The following DNAJC13 variants were observed in gnomAD, a reference collection of about 807,000 sequenced individuals.
The protein encoded by DNAJC13 is DnaJ heat shock protein family (Hsp40) member C13.
Under a neutral mutation model 290.5 loss-of-function variants are expected in DNAJC13, and 75 were observed. That is an observed-to-expected ratio of 0.26 (90% CI 0.21 to 0.31). DNAJC13 has a LOEUF of 0.31. Among genes scored for constraint, DNAJC13 ranks in the 10% least tolerant of loss-of-function variants. DNAJC13 has a pLI of 1.00. For missense variants in DNAJC13, 2,260 were observed against 2,674.5 expected (o/e 0.85, Z 3.42); for synonymous variants, 862 against 892.0 (o/e 0.97, Z 0.60).
intron 53 of DNAJC13, among the ~76,000 whole-genome samples, chr3:132,527,531 T>C (rs1047331643): frequency 1.1e-4 from 17 of 152,220 alleles, no homozygotes; most frequent in Non-Finnish European, 2.2e-4. Context: ...CTACCACTTG[T>C]TGGCTCTCTG....
chr3:132,429,752 T>C (rs1682985701), intron 1 of DNAJC13, among the ~76,000 whole-genome samples: 1 of 152,144 alleles, frequency 6.6e-6, no homozygotes, highest in African/African-American at 2.4e-5. Flanking sequence ...ACTTGGCTAG[T>C]TAGTGGGGTG....
At chr3:132,518,031 A>G (rs1443165494) in intron 48 of DNAJC13, among the ~76,000 whole-genome samples, 1 of 152,136 alleles carries the variant, frequency 6.6e-6, no homozygotes, top group South Asian at 2.1e-4. Context: ...TGTAATATCT[A>G]ATATTAGTTA....
intron 55 of DNAJC13, chr3:132,537,185 G>A (rs1238857960): frequency 2.2e-6 from 1 of 456,228 alleles, no homozygotes; most frequent in East Asian, 6.9e-5. Flanking sequence ...CTAACTGGCA[G>A]CAGCCCCCTT....
At chr3:132,505,885 A>G (rs1935567174) in intron 42 of DNAJC13, among the ~76,000 whole-genome samples, 1 of 151,990 alleles carries the variant, frequency 6.6e-6, no homozygotes, top group African/African-American at 2.4e-5. Flanking sequence ...GAAGATAATT[A>G]TGTGTGTGGC....
intron 51 of DNAJC13, 96 bp from the exon 52 acceptor site, chr3:132,525,514 T>C: frequency 3.1e-6 from 4 of 1,295,876 alleles, no homozygotes; most frequent in Admixed American, 2.3e-5. Flanking sequence ...CTTAGAACTT[T>C]TGAATCCCTA....
intron 21 of DNAJC13, 118 bp from the exon 22 acceptor site, chr3:132,474,814 T>TC (rs35380727): frequency 3.0e-3 from 207 of 67,946 alleles, no homozygotes; most frequent in Non-Finnish European, 4.4e-3. Flanking sequence ...TAAAATCTAT[T>TC]CCCCCCCCCC....
chr3:132,485,659 TGGTG>T (rs2107701474), intron 29 of DNAJC13, among the ~76,000 whole-genome samples: 1 of 152,302 alleles, frequency 6.6e-6, no homozygotes, highest in South Asian at 2.1e-4. Context: ...GGGGTGGACT[TGGTG>T]GTTCATATCT....
At chr3:132,449,744 C>T (rs572561357) in intron 5 of DNAJC13, among the ~76,000 whole-genome samples, 3 of 152,196 alleles carry the variant, frequency 2.0e-5, no homozygotes, top group African/African-American at 7.2e-5. Flanking sequence ...TCCAGAGCAA[C>T]CAATTGATTT....
chr3:132,484,537 T>C (rs1934788163), intron 28 of DNAJC13, 51 bp from the exon 29 acceptor site: 1 of 1,557,418 alleles, frequency 6.4e-7, no homozygotes, highest in African/African-American at 1.4e-5. Flanking sequence ...GCTCTGAACA[T>C]ACAAATTTTA....
In DNAJC13 at chr3:132,538,376, C is replaced by A; in HGVS notation, c.*94C>A. On this transcript the variant is annotated 3_prime_UTR_variant, in exon 56 of 56. Coordinates refer to ENST00000260818, the MANE Select transcript of DNAJC13 (RefSeq NM_015268.4). ...GAAGCAAACTCTTACTGCCTTTCTC[C>A]TGGTTTCATGACAGTGTTATTCCTT... 1 of 908,698 alleles carries A rather than the reference C, an allele frequency of 1.1e-6. No homozygotes were observed. The allele number at this position is 908,698 out of a possible 1,614,324, so 56.3% of individuals were successfully genotyped here. A position where few individuals can be genotyped will look rare whatever the true frequency, so the allele number is the denominator to read the frequency against.
Position 132,453,481 on chromosome 3 carries a change from CA to C in DNAJC13, c.727del (p.Ile243TyrfsTer13). 6.2e-7 allele frequency: 1 copy of C among 1,613,682 alleles called. No individual in the cohort carries two copies. On this transcript the variant is annotated frameshift_variant, in exon 7 of 56. Transcript: ENST00000260818. LOFTEE classifies it high-confidence loss of function. ...SITSLAEFVV[Q>X]KISPRHSEPV... Reference sequence around the variant, plus strand: ...CACATCTTTAGCAGAGTTTGTAGTCCAAAAAATATCACCTAGACATTCGGTA... The same window carrying C: ...CACATCTTTAGCAGAGTTTGTAGTCCAAAAATATCACCTAGACATTCGGTA...
chr3:132,466,040 A>G lies in DNAJC13; in HGVS notation c.1938A>G (p.Ala646=), dbSNP rs919734505. Residue 646 remains alanine (A), a synonymous_variant, in exon 18 of 56, where the codon GCA becomes GCG. Coordinates refer to ENST00000260818, the MANE Select transcript of DNAJC13 (RefSeq NM_015268.4). ...TGGGACTCTGGACAGCTGATAATGC[A>G]ACTGCAACAAACTTGTTGAAACGCA... The part of the protein sequence containing the change: ...HLVGLWTADN[A]TATNLLKRIL... 1 of 1,614,070 alleles carries G rather than the reference A, an allele frequency of 6.2e-7. No homozygotes were observed. The highest frequency in any genetic ancestry group is 1.3e-5 in the African/African-American group (1 of 75,064).
chr3:132,453,225 C>T, intron 6 of DNAJC13, 73 bp from the exon 7 acceptor site: 1 of 1,391,374 alleles, frequency 7.2e-7, no homozygotes, highest in Non-Finnish European at 9.9e-7. Flanking sequence ...AATACCTTTC[C>T]TATGAGTTGA....
rs202077611 is a variant in DNAJC13, at chr3:132,539,008, G to A, written c.*726G>A. ...TGTACATAAAATTTTAAAAATAAAG[G>A]GAATTGACTGCTTTGTTAATGAGAT... On this transcript the variant is annotated 3_prime_UTR_variant, in exon 56 of 56. Coordinates refer to ENST00000260818, the MANE Select transcript of DNAJC13 (RefSeq NM_015268.4). 1 of 152,220 alleles carries A rather than the reference G, an allele frequency of 6.6e-6. No homozygotes were observed. Among genetic ancestry groups the A allele is most frequent in the African/African-American group, 2.4e-5 (1 of 41,326 alleles). The allele number at this position is 152,220 out of a possible 1,614,324, so 9.4% of individuals were successfully genotyped here.
chr3:132,519,899 G>A (rs543076586), intron 48 of DNAJC13, among the ~76,000 whole-genome samples: 1 of 152,200 alleles, frequency 6.6e-6, no homozygotes, highest in South Asian at 2.1e-4. Flanking sequence ...ATGTGGCTGG[G>A]GAGGCCTCAC....
At chr3:132,500,531 T>G (rs1935374919) in intron 38 of DNAJC13, among the ~76,000 whole-genome samples, 2 of 152,194 alleles carry the variant, frequency 1.3e-5, no homozygotes, top group Admixed American at 6.5e-5. Flanking sequence ...TAAAAACCAT[T>G]CTTAGCTCTT....
chr3:132,513,022 T>C lies in DNAJC13; in HGVS notation c.5308T>C (p.Cys1770Arg), dbSNP rs776728235. 1 of 1,612,960 alleles carries C rather than the reference T, an allele frequency of 6.2e-7. No homozygotes were observed. The highest frequency in any genetic ancestry group is 8.5e-7 in the Non-Finnish European group (1 of 1,179,092). Residue 1770 changes from cysteine to arginine, a missense_variant, in exon 45 of 56, where the codon TGC (cysteine) becomes CGC (arginine). Cys to Arg is a radical substitution (Grantham distance 180). Around this residue, in one of 3 missense-constraint regions of DNAJC13, gnomAD observed 1,494 missense variants for 1,693.7 expected, o/e 0.88. Transcript: ENST00000260818. ...IKYNPGSESE[C>R]IGHFKLIFSL... ...TTATTCTCTAGGTTCTGAGAGTGAA[T>C]GCATTGGGCACTTTAAGTTGATATT...
chr3:132,527,699 A>C (rs1017679821), intron 53 of DNAJC13, among the ~76,000 whole-genome samples: 3 of 152,228 alleles, frequency 2.0e-5, no homozygotes, highest in African/African-American at 7.2e-5. Flanking sequence ...GAGTTTCAAA[A>C]TGGATAGTGA....
At chr3:132,482,153 C>A in intron 26 of DNAJC13, 73 bp from the exon 27 acceptor site, 2 of 1,257,246 alleles carry the variant, frequency 1.6e-6, no homozygotes, top group Non-Finnish European at 2.2e-6. Flanking sequence ...TACTGCTGTG[C>A]AACTTTGTTT....
Sources: gnomAD v4.1 joint callset for allele counts (sites outside exome capture counted in the v4.1 genomes callset) on GRCh38, gnomAD v4.1.1 for gene constraint, gnomAD v4.1.1 regional missense constraint, MANE v1.5 for transcripts, NCBI Gene and HGNC (gene_info 2026-07-23, HGNC 2026-07-21) for gene names.